The following LRRC37A2 variants were observed in gnomAD, a reference collection of about 807,000 sequenced individuals.
The protein encoded by LRRC37A2 is leucine rich repeat containing 37 member A2.
In LRRC37A2, 9 loss-of-function variants were observed where a neutral mutation model predicts 68.8. That is an observed-to-expected ratio of 0.13 (90% confidence interval 0.08 to 0.23). The LOEUF is 0.23. Among genes scored for constraint, LRRC37A2 ranks in the 10% least tolerant of loss-of-function variants. The pLI is 1.00. For synonymous variants in LRRC37A2, 63 were observed against 367.6 expected (o/e 0.17, Z 9.48); for missense variants, 168 against 950.4 (o/e 0.18, Z 10.82).
At chr17:46,754,584 C>A in the LRRC37A2 span, among the ~76,000 whole-genome samples, 1 of 152,124 alleles carries the variant, frequency 6.6e-6, no homozygotes, top group Non-Finnish European at 1.5e-5. Flanking sequence ...TGTGGGCCTA[C>A]GAGAATAAAG....
the LRRC37A2 span, among the ~76,000 whole-genome samples, chr17:46,808,978 C>T: frequency 6.6e-6 from 1 of 152,172 alleles, no homozygotes; most frequent in Non-Finnish European, 1.5e-5. Flanking sequence ...GGGGTCCGAG[C>T]TGAGCAGCGC....
chr17:46,502,157 T>C, the LRRC37A2 span, among the ~76,000 whole-genome samples: 1 of 151,114 alleles, frequency 6.6e-6, no homozygotes, highest in African/African-American at 2.5e-5. Flanking sequence ...TTTCACAGCA[T>C]AAAGCTCATC....
the LRRC37A2 span, among the ~76,000 whole-genome samples, chr17:46,870,592 A>AC: frequency 0.027 from 4,136 of 152,288 alleles, 79 homozygotes; most frequent in Non-Finnish European, 0.042. Flanking sequence ...TGATGGGTTG[A>AC]CTGCACCTGA....
At chr17:46,885,361 G>A in the LRRC37A2 span, 1 of 219,466 alleles carries the variant, frequency 4.6e-6, no homozygotes, top group Non-Finnish European at 9.1e-6. Context: ...GGAGTGCACT[G>A]GCATGATCTC....
At chr17:46,494,472 A>ACATT in the LRRC37A2 span, among the ~76,000 whole-genome samples, 1 of 149,158 alleles carries the variant, frequency 6.7e-6, no homozygotes, top group African/African-American at 2.5e-5. Context: ...CATAGACAAT[A>ACATT]TGTAAATGAA....
the LRRC37A2 span, among the ~76,000 whole-genome samples, chr17:46,779,173 GAAGAACTCTTCCA>G: frequency 6.6e-6 from 1 of 151,368 alleles, no homozygotes; most frequent in Non-Finnish European, 1.5e-5. Context: ...GGAAAGGAAT[GAAGAACTCTTCCA>G]AAGGACGAGC....
At chr17:46,837,080 C>T in the LRRC37A2 span, among the ~76,000 whole-genome samples, 1 of 152,058 alleles carries the variant, frequency 6.6e-6, no homozygotes, top group Non-Finnish European at 1.5e-5. Flanking sequence ...GTAGCTAGGA[C>T]TACAGGCACT....
the LRRC37A2 span, among the ~76,000 whole-genome samples, chr17:46,989,671 T>A: frequency 0.1 from 15,195 of 152,294 alleles, 849 homozygotes; most frequent in South Asian, 0.22. Flanking sequence ...GTGATTGGCT[T>A]TGGCCAGTGG....
chr17:46,872,889 C>G, the LRRC37A2 span: 1 of 1,235,656 alleles, frequency 8.1e-7, no homozygotes, highest in Non-Finnish European at 1.1e-6. Context: ...GCCACACTGC[C>G]CTTCCTGCCC....
At chr17:46,735,765 T>C in the LRRC37A2 span, among the ~76,000 whole-genome samples, 1 of 152,022 alleles carries the variant, frequency 6.6e-6, no homozygotes, top group Non-Finnish European at 1.5e-5. Context: ...GCCAACATAG[T>C]GAAACCCGAT....
chr17:46,863,883 C>T, the LRRC37A2 span, among the ~76,000 whole-genome samples: 1 of 152,136 alleles, frequency 6.6e-6, no homozygotes, highest in Non-Finnish European at 1.5e-5. Context: ...TCCTGGACTA[C>T]TCTGGGGGTG....
chr17:47,004,120 T>C, the LRRC37A2 span, among the ~76,000 whole-genome samples: 3 of 152,234 alleles, frequency 2.0e-5, no homozygotes, highest in African/African-American at 7.2e-5. Context: ...CAGTCTATCA[T>C]TGATAGGCAT....
At chr17:46,976,008 G>A in the LRRC37A2 span, among the ~76,000 whole-genome samples, 1 of 151,956 alleles carries the variant, frequency 6.6e-6, no homozygotes, top group Non-Finnish European at 1.5e-5. Flanking sequence ...CTCACTGCAA[G>A]CTCCGCCTCC....
At chr17:46,668,780 T>TGGC in the LRRC37A2 span, among the ~76,000 whole-genome samples, 1 of 136,954 alleles carries the variant, frequency 7.3e-6, no homozygotes, top group Non-Finnish European at 1.5e-5. Context: ...CACTGAACTC[T>TGGC]GGCCTGAGTG....
the LRRC37A2 span, among the ~76,000 whole-genome samples, chr17:46,803,627 G>T: frequency 5.3e-5 from 8 of 152,176 alleles, no homozygotes; most frequent in African/African-American, 1.7e-4. Context: ...TAAAGTTCAC[G>T]CTAGACAATG....
At chr17:46,778,058 G>A in the LRRC37A2 span, among the ~76,000 whole-genome samples, 2 of 152,240 alleles carry the variant, frequency 1.3e-5, no homozygotes, top group East Asian at 1.9e-4. Context: ...GGAGGAATAA[G>A]TGACACAATC....
chr17:46,917,815 A>G, the LRRC37A2 span, among the ~76,000 whole-genome samples: 1 of 152,240 alleles, frequency 6.6e-6, no homozygotes, highest in Non-Finnish European at 1.5e-5. Flanking sequence ...GGTTCTGAAG[A>G]GTCATGGTAT....
the LRRC37A2 span, among the ~76,000 whole-genome samples, chr17:46,622,509 G>T: frequency 6.7e-6 from 1 of 149,854 alleles, no homozygotes; most frequent in African/African-American, 2.5e-5. Context: ...GTGGCTGGAC[G>T]CAGTGGCTCA....
At chr17:46,440,305 C>T in the LRRC37A2 span, among the ~76,000 whole-genome samples, 6 of 63,672 alleles carry the variant, frequency 9.4e-5, 1 homozygote, top group Admixed American at 1.4e-4. Flanking sequence ...ACAGCAAAGC[C>T]TAGCCTCCTC....
Sources: allele counts gnomAD v4.1 joint callset (sites outside exome capture counted in the v4.1 genomes callset), GRCh38; gene constraint gnomAD v4.1.1; transcripts MANE v1.5; gene names NCBI Gene and HGNC (gene_info 2026-07-23, HGNC 2026-07-21).